The following TUBGCP4 variants were observed in gnomAD, a reference collection of about 807,000 sequenced individuals.
The protein encoded by TUBGCP4 is tubulin gamma complex component 4.
A neutral mutation model predicts 91.6 loss-of-function variants in TUBGCP4; 54 were observed. That is an observed-to-expected ratio of 0.59 (90% CI 0.47 to 0.74). The LOEUF is 0.74. Among genes scored for constraint, TUBGCP4 ranks in the 30% least tolerant of loss-of-function variants. The pLI is 0.00. For synonymous variants in TUBGCP4, 297 were observed against 302.8 expected (o/e 0.98, Z 0.20); for missense variants, 593 against 800.9 (o/e 0.74, Z 3.13).
intron 1 of TUBGCP4, among the ~76,000 whole-genome samples, chr15:43,374,816 A>G (rs1031183393): frequency 2.0e-5 from 3 of 152,232 alleles, no homozygotes; most frequent in Non-Finnish European, 2.9e-5. Flanking sequence ...ACACAAGGGA[A>G]TATTGTTCAG....
intron 13 of TUBGCP4, 90 bp downstream of exon 13, chr15:43,398,269 A>C: frequency 6.8e-7 from 1 of 1,465,398 alleles, no homozygotes; most frequent in Non-Finnish European, 9.3e-7. Context: ...TGGGAAAGCA[A>C]GGTGTGGTGG....
chr15:43,375,087 G>C (rs113017334), intron 1 of TUBGCP4, among the ~76,000 whole-genome samples: 128 of 152,330 alleles, frequency 8.4e-4, no homozygotes, highest in African/African-American at 2.9e-3. Context: ...ATTTTTAGTA[G>C]AGACAGGGTT....
At position 43,407,356 on chromosome 15, in the gene TUBGCP4, G is replaced by A; in HGVS notation, c.*2142G>A. On this transcript the variant is annotated 3_prime_UTR_variant, in exon 18 of 18. Transcript: ENST00000564079. ...AAAACACAATCTCCACGATAGCAGG[G>A]AATAAAACCAGTAAGACCAAGTATC... 6.2e-7 allele frequency: 1 copy of A among 1,605,286 alleles called. No individual in the cohort carries two copies. The highest frequency in any genetic ancestry group is 2.2e-5 in the East Asian group (1 of 44,810).
At chr15:43,403,551 G>A (rs924526402) in intron 15 of TUBGCP4, 132 bp from the exon 16 acceptor site, 4 of 673,770 alleles carry the variant, frequency 5.9e-6, no homozygotes. Flanking sequence ...GCACGTGGCA[G>A]TGTCTATCCT....
chr15:43,409,519 G>A lies in TUBGCP4; in HGVS notation c.*4305G>A, dbSNP rs914080787. ...TATTTCATGCAAAAACATTTTGGCA[G>A]TTTCTCAGTTCCTGAAATCTCTGGC... On this transcript the variant is annotated 3_prime_UTR_variant, in exon 18 of 18. Transcript: ENST00000564079. 1.1e-5 allele frequency: 6 copies of A among 530,562 alleles called. No individual in the cohort carries two copies. The African/African-American group carries it at 1.2e-4, about 10-fold the overall frequency. The allele number at this position is 530,562 out of a possible 1,614,324, so 32.9% of individuals were successfully genotyped here. A position where few individuals can be genotyped will look rare whatever the true frequency, so the allele number is the denominator to read the frequency against.
chr15:43,379,417 G>A (rs995105335), intron 5 of TUBGCP4, among the ~76,000 whole-genome samples: 10 of 152,256 alleles, frequency 6.6e-5, no homozygotes, highest in South Asian at 2.1e-4. Flanking sequence ...CGAGGCGGGC[G>A]GACCACGAGG....
chr15:43,396,053 A>G (rs915229112), intron 11 of TUBGCP4, among the ~76,000 whole-genome samples: 4 of 152,334 alleles, frequency 2.6e-5, no homozygotes, highest in South Asian at 4.1e-4. Context: ...TAGTTAGGAA[A>G]GGGAAATGGA....
intron 9 of TUBGCP4, among the ~76,000 whole-genome samples, chr15:43,388,243 G>A (rs1036616566): frequency 6.6e-6 from 1 of 152,152 alleles, no homozygotes; most frequent in Non-Finnish European, 1.5e-5. Flanking sequence ...AGTGCACTTC[G>A]TTCAGTGTCT....
chr15:43,380,276 ACCAGGATAGAAAAAGCT>A, intron 6 of TUBGCP4, 113 bp downstream of exon 6: 1 of 969,788 alleles, frequency 1.0e-6, no homozygotes, highest in Non-Finnish European at 1.6e-6. Flanking sequence ...GAAGGTTATA[ACCAGGATAGAAAAAGCT>A]CCATGAGCAG....
In TUBGCP4 at chr15:43,405,203, T is replaced by C; in HGVS notation, c.1990T>C (p.Phe664Leu). The C allele has an allele frequency of 6.2e-7, 1 of 1,614,162 alleles. No individual in the cohort carries two copies. The highest frequency in any genetic ancestry group is 8.5e-7 in the Non-Finnish European group (1 of 1,180,000). ...YTQAGGTLGS[F>L]GM ...TAAGGCTCTTTTTCTCTTTTGTAGT[T>C]TCGGGATGTGAAAATTTCTGGCTCA... The change falls in exon 18 of 18, where the codon TTC becomes CTC. Residue 664 changes from phenylalanine to leucine, a missense_variant and splice_region_variant. By Grantham distance (22) the Phe-to-Leu change is conservative. Coordinates refer to ENST00000564079, the MANE Select transcript of TUBGCP4 (RefSeq NM_014444.5).
In TUBGCP4 at chr15:43,376,562, C is replaced by T. The variant is rs1277530933; in HGVS notation, c.267C>T (p.Phe89=). The change falls in exon 3 of 18, where the codon TTC becomes TTT. Residue 89 remains phenylalanine, a synonymous_variant. Coordinates refer to ENST00000564079, the MANE Select transcript of TUBGCP4 (RefSeq NM_014444.5). The part of the protein sequence containing the change: ...GGLHGIYLRA[F]CTGLDSVLQP... ...TACATGGAATCTACCTGCGGGCCTT[C>T]TGCACAGGGCTGGATTCTGTTTTGC... 1 of 1,614,118 alleles carries T rather than the reference C, an allele frequency of 6.2e-7. No individual in the cohort carries two copies. Among genetic ancestry groups the T allele is most frequent in the Admixed American group, 1.7e-5 (1 of 60,008 alleles).
chr15:43,388,566 T>C (rs1315252954), intron 9 of TUBGCP4, among the ~76,000 whole-genome samples: 2 of 152,258 alleles, frequency 1.3e-5, no homozygotes, highest in Non-Finnish European at 2.9e-5. Context: ...TTTTTGAAAA[T>C]TGAATCTAGT....
At position 43,409,732 on chromosome 15, in the gene TUBGCP4, T is replaced by G; in HGVS notation, c.*4518T>G. On this transcript the variant is annotated 3_prime_UTR_variant, in exon 18 of 18. Coordinates refer to ENST00000564079, the MANE Select transcript of TUBGCP4 (RefSeq NM_014444.5). Reference sequence around the variant, plus strand: ...ATACTGCTTGTTGAAAGGAGGAATTTCCAAAAATTCTATATTAAAAAAAAA... The same window carrying G: ...ATACTGCTTGTTGAAAGGAGGAATTGCCAAAAATTCTATATTAAAAAAAAA... 1 of 1,527,838 alleles carries G rather than the reference T, an allele frequency of 6.5e-7. No individual in the cohort carries two copies. Among genetic ancestry groups the G allele is most frequent in the Non-Finnish European group, 8.8e-7 (1 of 1,131,258 alleles). The allele number at this position is 1,527,838 out of a possible 1,614,324, so 94.6% of individuals were successfully genotyped here. A position where few individuals can be genotyped will look rare whatever the true frequency, so the allele number is the denominator to read the frequency against.
At chr15:43,393,708 G>A (rs1434552468) in intron 9 of TUBGCP4, among the ~76,000 whole-genome samples, 2 of 151,668 alleles carry the variant, frequency 1.3e-5, no homozygotes, top group Non-Finnish European at 2.9e-5. Context: ...TTGGTTTTTT[G>A]TCCTTGTGAG....
At chr15:43,397,362 C>A in intron 12 of TUBGCP4, 41 bp downstream of exon 12, 1 of 1,450,694 alleles carries the variant, frequency 6.9e-7, no homozygotes, top group Non-Finnish European at 9.7e-7. Flanking sequence ...TCCTGCTGGT[C>A]ATCATCCATT....
At chr15:43,387,989 C>T (rs1312446303) in intron 9 of TUBGCP4, among the ~76,000 whole-genome samples, 1 of 151,736 alleles carries the variant, frequency 6.6e-6, no homozygotes, top group Admixed American at 6.6e-5. Context: ...GCTGGGACTG[C>T]AGGCCTGCAC....
chr15:43,395,219 G>T, intron 10 of TUBGCP4, 62 bp downstream of exon 10: 1 of 1,583,614 alleles, frequency 6.3e-7, no homozygotes, highest in South Asian at 1.1e-5. Flanking sequence ...TGCATTCTCT[G>T]ATGTTTCCTG....
Position 43,408,411 on chromosome 15 carries a change from G to T in TUBGCP4, c.*3197G>T, listed in dbSNP as rs1485683955. The T allele has an allele frequency of 1.0e-5, 3 of 287,728 alleles. No homozygotes were observed. Among genetic ancestry groups the T allele is most frequent in the African/African-American group, 4.4e-5 (2 of 45,490 alleles). The allele number at this position is 287,728 out of a possible 1,614,324, so 17.8% of individuals were successfully genotyped here. A position where few individuals can be genotyped will look rare whatever the true frequency, so the allele number is the denominator to read the frequency against. On this transcript the variant is annotated 3_prime_UTR_variant, in exon 18 of 18. Coordinates refer to ENST00000564079, the MANE Select transcript of TUBGCP4 (RefSeq NM_014444.5). ...TAGGGGGATCACTTCAGCCTGGGAG[G>T]TTGAGGCTGCAGTAAGTCGTCACTG...
intron 9 of TUBGCP4, among the ~76,000 whole-genome samples, chr15:43,389,661 T>G (rs1318849217): frequency 6.6e-6 from 1 of 152,206 alleles, no homozygotes; most frequent in African/African-American, 2.4e-5. Context: ...ACTACTTGAT[T>G]GGATGTTTTA....
Sources: gnomAD v4.1 joint callset for allele counts (sites outside exome capture counted in the v4.1 genomes callset) on GRCh38, gnomAD v4.1.1 for gene constraint, MANE v1.5 for transcripts, NCBI Gene and HGNC (gene_info 2026-07-23, HGNC 2026-07-21) for gene names.